The following CD2AP variants were observed in gnomAD, a reference collection of about 807,000 sequenced individuals.
CD2AP encodes the protein CD2 associated protein, also known as CD2-associated protein.
CD2AP carries 46 observed loss-of-function variants against 85.1 expected under a neutral mutation model. The observed-to-expected ratio is 0.54, with a 90% CI of 0.43 to 0.69. The LOEUF (loss-of-function observed/expected upper bound fraction) is 0.69, where lower values mean the gene tolerates loss of function less well. Among genes scored for constraint, CD2AP ranks in the 30% least tolerant of loss-of-function variants. CD2AP has a pLI of 0.00. For synonymous variants in CD2AP, 255 were observed against 252.9 expected (o/e 1.01, Z -0.08); for missense variants, 769 against 729.5 (o/e 1.05, Z -0.62).
At chr6:47,620,387 C>A (rs1374114157) in intron 17 of CD2AP, among the ~76,000 whole-genome samples, 1 of 152,106 alleles carries the variant, frequency 6.6e-6, no homozygotes, top group Non-Finnish European at 1.5e-5. Flanking sequence ...TTTCTGAGTT[C>A]TCTGTTCCAT....
At chr6:47,536,723 G>A (rs1582529265) in intron 3 of CD2AP, among the ~76,000 whole-genome samples, 1 of 152,170 alleles carries the variant, frequency 6.6e-6, no homozygotes, top group Admixed American at 6.5e-5. Context: ...GTTGATTACT[G>A]TAAGTTGCTA....
intron 11 of CD2AP, chr6:47,582,319 T>C: frequency 3.0e-6 from 1 of 327,940 alleles, no homozygotes; most frequent in Non-Finnish European, 5.8e-6. Flanking sequence ...ATAAGAAAAC[T>C]AAGCATTAAA....
chr6:47,608,241 T>C (rs1397841804), intron 15 of CD2AP, among the ~76,000 whole-genome samples: 1 of 152,180 alleles, frequency 6.6e-6, no homozygotes, highest in East Asian at 1.9e-4. Context: ...AAAATAAATA[T>C]TACATATTTC....
chr6:47,500,343 G>T (rs1765967981), intron 1 of CD2AP, among the ~76,000 whole-genome samples: 1 of 152,030 alleles, frequency 6.6e-6, no homozygotes, highest in South Asian at 2.1e-4. Context: ...GTCTTTTTGA[G>T]GTCTACAGAG....
At position 47,542,519 on chromosome 6, in the gene CD2AP, TGAATGGGTTAGTGCCTTATGAAAGGGCAG is replaced by T. The variant is rs1480303138; in HGVS notation, c.320-2084_320-2056del. ...ATAAGTCATGAGGGCTGTGCTCTCA[TGAATGGGTTAGTGCCTTATGAAAGGGCAG>T]GAGGGTATTAGCTTAGGCCCTTTTT... On this transcript the variant is annotated intron_variant, in intron 3 of 17. Transcript: ENST00000359314. 5.9e-5 allele frequency among the ~76,000 whole-genome samples: 9 copies of T among 152,270 alleles called. No individual in the cohort carries two copies. The East Asian group carries it at 1.7e-3, about 29-fold the overall frequency.
intron 2 of CD2AP, among the ~76,000 whole-genome samples, chr6:47,510,105 G>A (rs2113991524): frequency 6.6e-6 from 1 of 152,214 alleles, no homozygotes; most frequent in South Asian, 2.1e-4. Context: ...AGGTAATAGA[G>A]AAAAGTTTAA....
chr6:47,579,737 A>G, intron 9 of CD2AP: 1 of 411,412 alleles, frequency 2.4e-6, no homozygotes, highest in East Asian at 4.8e-5. Flanking sequence ...TTTATAATTT[A>G]AGAAGGGCTG....
At chr6:47,617,909 G>A (rs1769636370) in intron 17 of CD2AP, among the ~76,000 whole-genome samples, 1 of 152,178 alleles carries the variant, frequency 6.6e-6, no homozygotes, top group Non-Finnish European at 1.5e-5. Flanking sequence ...TATTCTTACT[G>A]TGTTTTCTTG....
intron 14 of CD2AP, among the ~76,000 whole-genome samples, chr6:47,607,348 C>G (rs919449658): frequency 9.2e-5 from 14 of 152,070 alleles, no homozygotes; most frequent in African/African-American, 3.4e-4. Flanking sequence ...CAGATGGTAG[C>G]TCTATATTTA....
At chr6:47,533,265 G>T (rs752822484) in intron 2 of CD2AP, among the ~76,000 whole-genome samples, 19 of 151,968 alleles carry the variant, frequency 1.3e-4, no homozygotes, top group Admixed American at 6.6e-5. Flanking sequence ...TTACTATCTG[G>T]CACTTTATAG....
chr6:47,535,538 A>G (rs1267260663), intron 3 of CD2AP, among the ~76,000 whole-genome samples: 6 of 152,206 alleles, frequency 3.9e-5, no homozygotes, highest in African/African-American at 1.2e-4. Flanking sequence ...ACAGGTTGTC[A>G]TAAAAATGAA....
chr6:47,571,885 T>C (rs1029959000), intron 5 of CD2AP, among the ~76,000 whole-genome samples: 1 of 152,142 alleles, frequency 6.6e-6, no homozygotes, highest in Non-Finnish European at 1.5e-5. Context: ...TTCACACTAA[T>C]GTGCAAATAA....
chr6:47,526,777 C>CAGG (rs1159847196), intron 2 of CD2AP, among the ~76,000 whole-genome samples: 5 of 152,272 alleles, frequency 3.3e-5, no homozygotes, highest in Admixed American at 3.3e-4. Context: ...CTAGAAGCAA[C>CAGG]AGTAGCTCTC....
chr6:47,609,584 A>G (rs1229422427), intron 16 of CD2AP: 1 of 314,694 alleles, frequency 3.2e-6, no homozygotes, highest in Non-Finnish European at 6.0e-6. Context: ...CTGTGGTCCC[A>G]GCTACTCAAG....
At chr6:47,604,030 GATA>G (rs1194077607) in intron 13 of CD2AP, among the ~76,000 whole-genome samples, 2 of 151,896 alleles carry the variant, frequency 1.3e-5, no homozygotes, top group African/African-American at 2.4e-5. Flanking sequence ...ATATTCTTTT[GATA>G]ATATTTTTTA....
chr6:47,488,611 A>G (rs894535585), intron 1 of CD2AP, among the ~76,000 whole-genome samples: 2 of 152,012 alleles, frequency 1.3e-5, no homozygotes, highest in African/African-American at 4.8e-5. Context: ...TGGACTAGCC[A>G]CATTTCAAGT....
intron 1 of CD2AP, among the ~76,000 whole-genome samples, chr6:47,496,896 C>A (rs917107000): frequency 6.6e-6 from 1 of 152,024 alleles, no homozygotes; most frequent in African/African-American, 2.4e-5. Context: ...ACTTTTATTT[C>A]TTTTTCTAGC....
chr6:47,594,762 A>G (rs955928674), intron 11 of CD2AP, among the ~76,000 whole-genome samples: 3 of 152,024 alleles, frequency 2.0e-5, no homozygotes, highest in Non-Finnish European at 4.4e-5. Context: ...AGACTAAGCT[A>G]TATTTTCATA....
intron 2 of CD2AP, among the ~76,000 whole-genome samples, chr6:47,510,734 C>T (rs1028183053): frequency 3.9e-5 from 6 of 152,050 alleles, no homozygotes; most frequent in African/African-American, 1.2e-4. Context: ...TTTCCGCACA[C>T]CCCCTCTTTC....
Sources: gnomAD v4.1 joint callset for allele counts (sites outside exome capture counted in the v4.1 genomes callset) on GRCh38, gnomAD v4.1.1 for gene constraint, MANE v1.5 for transcripts, NCBI Gene and HGNC (gene_info 2026-07-23, HGNC 2026-07-21) for gene names.